The following UNC5C variants were observed in gnomAD, a reference collection of about 807,000 sequenced individuals.
The protein encoded by UNC5C is unc-5 netrin receptor C, also known as netrin receptor UNC5C.
In UNC5C, 47 loss-of-function variants were observed where a neutral mutation model predicts 99.8. The observed-to-expected ratio is 0.47, with a 90% CI of 0.37 to 0.60. The LOEUF (loss-of-function observed/expected upper bound fraction) is 0.60, where lower values mean the gene tolerates loss of function less well. UNC5C is among the 20% of genes least tolerant of loss of function. The pLI is 0.00. For missense variants in UNC5C, 1,062 were observed against 1,165.9 expected (o/e 0.91, Z 1.30); for synonymous variants, 487 against 452.2 (o/e 1.08, Z -0.98).
intron 12 of UNC5C, among the ~76,000 whole-genome samples, chr4:95,201,980 C>T (rs1478673430): frequency 6.6e-6 from 1 of 152,122 alleles, no homozygotes; most frequent in East Asian, 1.9e-4. Context: ...ATTTTTCCCT[C>T]TACTATTGCT....
intron 1 of UNC5C, among the ~76,000 whole-genome samples, chr4:95,541,889 G>C (rs1380717098): frequency 6.6e-6 from 1 of 152,138 alleles, no homozygotes; most frequent in African/African-American, 2.4e-5. Flanking sequence ...TCAATTAAGA[G>C]ATTGACTAAA....
chr4:95,517,548 T>C (rs1330268157), intron 1 of UNC5C, among the ~76,000 whole-genome samples: 1 of 152,144 alleles, frequency 6.6e-6, no homozygotes, highest in African/African-American at 2.4e-5. Flanking sequence ...AAAATCAGGA[T>C]AAAGATAACA....
intron 1 of UNC5C, among the ~76,000 whole-genome samples, chr4:95,511,614 A>C (rs1196047203): frequency 6.6e-6 from 1 of 152,236 alleles, no homozygotes; most frequent in African/African-American, 2.4e-5. Flanking sequence ...AGATACTTGC[A>C]TAACCTCTAT....
intron 12 of UNC5C, among the ~76,000 whole-genome samples, chr4:95,199,282 A>G (rs574926446): frequency 5.8e-4 from 88 of 152,132 alleles, no homozygotes; most frequent in Non-Finnish European, 1.1e-3. Context: ...ATCAGCCCCA[A>G]ATTTCCAATT....
intron 2 of UNC5C, among the ~76,000 whole-genome samples, chr4:95,312,097 C>T (rs927921095): frequency 6.6e-6 from 1 of 150,804 alleles, no homozygotes; most frequent in Non-Finnish European, 1.5e-5. Flanking sequence ...CAAAAAAAAC[C>T]CCAAAACCAG....
intron 1 of UNC5C, among the ~76,000 whole-genome samples, chr4:95,434,080 T>C (rs1746707332): frequency 6.6e-6 from 1 of 152,158 alleles, no homozygotes; most frequent in Non-Finnish European, 1.5e-5. Flanking sequence ...TTATGTTTTC[T>C]TTGTTTAATG....
chr4:95,525,261 A>T (rs1210830029), intron 1 of UNC5C, among the ~76,000 whole-genome samples: 1 of 152,204 alleles, frequency 6.6e-6, no homozygotes, highest in African/African-American at 2.4e-5. Context: ...TCTGCCTAAA[A>T]TACCTAGGAA....
chr4:95,471,228 G>A (rs1263291901), intron 1 of UNC5C, among the ~76,000 whole-genome samples: 1 of 152,010 alleles, frequency 6.6e-6, no homozygotes, highest in Non-Finnish European at 1.5e-5. Context: ...GTTTGAAATT[G>A]GATGAATAAA....
At chr4:95,332,964 G>A (rs1443769432) in intron 2 of UNC5C, among the ~76,000 whole-genome samples, 3 of 152,078 alleles carry the variant, frequency 2.0e-5, no homozygotes, top group East Asian at 1.9e-4. Flanking sequence ...AAAAACACAC[G>A]AAAAAAGGCT....
intron 1 of UNC5C, among the ~76,000 whole-genome samples, chr4:95,492,145 T>A (rs1251983594): frequency 2.0e-5 from 3 of 151,492 alleles, no homozygotes; most frequent in Non-Finnish European, 4.4e-5. Context: ...ATATTTCCTA[T>A]GCTATTTAAA....
chr4:95,305,609 C>T (rs1384976570), intron 2 of UNC5C, among the ~76,000 whole-genome samples: 2 of 152,162 alleles, frequency 1.3e-5, no homozygotes, highest in African/African-American at 2.4e-5. Flanking sequence ...GTTTCCATCA[C>T]ATCTGATAAC....
chr4:95,180,515 T>TTAAACTTCATCTCTGTGAA (rs1370421011), intron 14 of UNC5C, among the ~76,000 whole-genome samples: 9 of 152,262 alleles, frequency 5.9e-5, no homozygotes, highest in Non-Finnish European at 1.2e-4. Context: ...ATTTTCCTTC[T>TTAAACTTCATCTCTGTGAA]TAAACTTCAT....
chr4:95,177,103 A>G (rs1365924919), intron 14 of UNC5C, among the ~76,000 whole-genome samples: 1 of 152,114 alleles, frequency 6.6e-6, no homozygotes, highest in Non-Finnish European at 1.5e-5. Flanking sequence ...CCTTCGGCTC[A>G]CGCACGGTGC....
chr4:95,328,040 C>CTTTTTTTTTTTTTTTTTTTTTATTTTTT (rs34794058), intron 2 of UNC5C, among the ~76,000 whole-genome samples: 4 of 87,096 alleles, frequency 4.6e-5, no homozygotes, highest in Admixed American at 1.6e-4. Flanking sequence ...CAGGCAACTT[C>CTTTTTTTTTTTTTTTTTTTTTATTTTTT]TTTTTTTTTT....
At position 95,167,400 on chromosome 4, in the gene UNC5C, A is replaced by G. The variant is rs560944285; in HGVS notation, c.*1834T>C. On this transcript the variant is annotated 3_prime_UTR_variant, in exon 16 of 16. Transcript: ENST00000453304. The stretch of plus-strand genomic sequence containing the variant: ...CACAAAGTAGTGTGTTGACTAACAA[A>G]CATTTTGCAGGACAAAAGTTTTTAA... The G allele has an allele frequency of 6.6e-6, 1 of 152,330 alleles. No individual in the cohort carries two copies. The highest frequency in any genetic ancestry group is 2.1e-4 in the South Asian group (1 of 4,830). The allele number at this position is 152,330 out of a possible 1,614,324, so 9.4% of individuals were successfully genotyped here. A position where few individuals can be genotyped will look rare whatever the true frequency, so the allele number is the denominator to read the frequency against.
intron 1 of UNC5C, among the ~76,000 whole-genome samples, chr4:95,338,065 G>A (rs1322991749): frequency 2.0e-5 from 3 of 151,994 alleles, no homozygotes; most frequent in Non-Finnish European, 4.4e-5. Context: ...ACTTGATTTA[G>A]TAGATATGTA....
rs748790797 is a variant in UNC5C, at chr4:95,220,150, G to C, written c.1135C>G (p.Leu379Val). The change falls in exon 8 of 16, where the codon CTC becomes GTC. Residue 379 changes from leucine (L) to valine (V), a missense_variant. By Grantham distance (32) the Leu-to-Val change is conservative (BLOSUM62 1). Coordinates refer to ENST00000453304, the MANE Select transcript of UNC5C (RefSeq NM_003728.4). Reference protein sequence around the residue: ...QTAPDSDDVALYVGIVIAVIV... With the variant: ...QTAPDSDDVAVYVGIVIAVIV... ...ACTGCTATCACAATCCCAACATAGA[G>C]AGCAACATCATCTGAATCAGGAGCA... The C allele has an allele frequency of 1.2e-6, 2 of 1,613,726 alleles. No individual in the cohort carries two copies. Among genetic ancestry groups the C allele is most frequent in the Admixed American group, 1.7e-5 (1 of 59,962 alleles).
intron 2 of UNC5C, among the ~76,000 whole-genome samples, chr4:95,312,796 T>G (rs1742321511): frequency 6.6e-6 from 1 of 152,164 alleles, no homozygotes; most frequent in Non-Finnish European, 1.5e-5. Flanking sequence ...AAGGCATTGG[T>G]CAGAAGTTCT....
chr4:95,326,012 G>A (rs1335670453), intron 2 of UNC5C, among the ~76,000 whole-genome samples: 2 of 152,118 alleles, frequency 1.3e-5, no homozygotes, highest in Non-Finnish European at 1.5e-5. Context: ...AAGAGCAAAG[G>A]TTTTGGAAGC....
Sources: allele counts gnomAD v4.1 joint callset (sites outside exome capture counted in the v4.1 genomes callset), GRCh38; gene constraint gnomAD v4.1.1; transcripts MANE v1.5; gene names NCBI Gene and HGNC (gene_info 2026-07-23, HGNC 2026-07-21).